TRIM9: variants seen among roughly 807,000 people sequenced by gnomAD.
TRIM9 encodes the protein tripartite motif containing 9, also known as E3 ubiquitin-protein ligase TRIM9.
In TRIM9, 26 loss-of-function variants were observed where a neutral mutation model predicts 78.3. That is an observed-to-expected ratio of 0.33 (90% CI 0.24 to 0.46). TRIM9 has a LOEUF of 0.46. TRIM9 is among the 20% of genes least tolerant of loss of function. TRIM9 has a pLI of 1.00. For synonymous variants in TRIM9, 398 were observed against 416.5 expected, an observed-to-expected ratio of 0.96 and a Z score of 0.54; for missense variants, 787 against 1,036.4, an observed-to-expected ratio of 0.76 and a Z score of 3.30.
chr14:51,084,038 A>C (rs1469851761), intron 1 of TRIM9, among the ~76,000 whole-genome samples: 1 of 152,138 alleles, frequency 6.6e-6, no homozygotes, highest in Non-Finnish European at 1.5e-5. Flanking sequence ...AGAAGCCTTC[A>C]TTTTCTTTTT....
intron 5 of TRIM9, among the ~76,000 whole-genome samples, chr14:51,003,841 C>A (rs756834283): frequency 2.6e-5 from 4 of 152,160 alleles, no homozygotes; most frequent in Admixed American, 1.3e-4. Flanking sequence ...TCCTTATTTA[C>A]CCCCAGTGAT....
intron 7 of TRIM9, chr14:50,997,245 T>C (rs1165226800): frequency 2.0e-6 from 2 of 985,292 alleles, no homozygotes; most frequent in Non-Finnish European, 1.2e-6. Flanking sequence ...AGAGGTTATA[T>C]CTGGCCATCA....
chr14:51,020,587 G>T (rs970854636), intron 3 of TRIM9, among the ~76,000 whole-genome samples: 1 of 152,198 alleles, frequency 6.6e-6, no homozygotes, highest in African/African-American at 2.4e-5. Context: ...AGTACAGATG[G>T]ACCATCAGAG....
chr14:51,030,637 G>A (rs2058645110), intron 1 of TRIM9, among the ~76,000 whole-genome samples: 1 of 152,068 alleles, frequency 6.6e-6, no homozygotes, highest in Non-Finnish European at 1.5e-5. Flanking sequence ...GAAAGTCTAT[G>A]TGTATGTGGG....
intron 7 of TRIM9, among the ~76,000 whole-genome samples, chr14:50,987,603 T>C (rs1464398255): frequency 6.6e-6 from 1 of 152,226 alleles, no homozygotes; most frequent in Admixed American, 6.5e-5. Context: ...TCATGTATTA[T>C]CATTTCTTTC....
chr14:51,038,945 A>T (rs986460899), intron 1 of TRIM9, among the ~76,000 whole-genome samples: 1 of 152,244 alleles, frequency 6.6e-6, no homozygotes, highest in Non-Finnish European at 1.5e-5. Context: ...ATCATCAGCT[A>T]ATGTCTTCCC....
chr14:51,000,602 C>G, intron 6 of TRIM9, 81 bp downstream of exon 6: 1 of 1,567,440 alleles, frequency 6.4e-7, no homozygotes, highest in East Asian at 2.3e-5. Context: ...GATGGGGAAG[C>G]CAGCCCTGAG....
At chr14:50,986,264 G>T in intron 7 of TRIM9, 120 bp from the exon 8 acceptor site, 2 of 892,972 alleles carry the variant, frequency 2.2e-6, no homozygotes, top group Non-Finnish European at 3.0e-6. Context: ...CCCACAGGGT[G>T]CCACACTCAG....
At chr14:51,009,921 C>T (rs1387457299) in intron 4 of TRIM9, among the ~76,000 whole-genome samples, 1 of 152,152 alleles carries the variant, frequency 6.6e-6, no homozygotes, top group East Asian at 1.9e-4. Flanking sequence ...TGAGAAATCT[C>T]TGCATTTGAG....
At chr14:51,085,315 G>A (rs943043679) in intron 1 of TRIM9, among the ~76,000 whole-genome samples, 2 of 152,150 alleles carry the variant, frequency 1.3e-5, no homozygotes, top group African/African-American at 2.4e-5. Flanking sequence ...GGCTATTCCC[G>A]CACCAAAGAA....
chr14:51,006,021 C>T (rs942620216), intron 5 of TRIM9, among the ~76,000 whole-genome samples: 2 of 152,042 alleles, frequency 1.3e-5, no homozygotes, highest in African/African-American at 4.8e-5. Context: ...TCAACAACAA[C>T]AACAAAAACA....
intron 2 of TRIM9, among the ~76,000 whole-genome samples, chr14:51,024,005 G>C (rs1202731728): frequency 6.6e-6 from 1 of 152,166 alleles, no homozygotes; most frequent in Admixed American, 6.5e-5. Flanking sequence ...CAAGGTCTTC[G>C]TATAAGGAAT....
chr14:51,029,138 C>T (rs959766522), intron 1 of TRIM9, among the ~76,000 whole-genome samples: 5 of 152,162 alleles, frequency 3.3e-5, no homozygotes, highest in East Asian at 1.9e-4. Context: ...ACATTCTTCA[C>T]GTGGCCTTTT....
chr14:50,976,491 ATAATGTTC>A lies in TRIM9; in HGVS notation c.*792_*799del, dbSNP rs1342468704. 6.6e-6 allele frequency: 1 copy of A among 152,354 alleles called. No homozygotes were observed. Among genetic ancestry groups the A allele is most frequent in the Non-Finnish European group, 1.5e-5 (1 of 68,048 alleles). The allele number at this position is 152,354 out of a possible 1,614,324, so 9.4% of individuals were successfully genotyped here. Reference sequence around the variant, plus strand: ...ACTGTGTCCCCACAGTGTCTAGAACATAATGTTCTAGTGTCTTGAACAGTGCCTGGTCA... The same window carrying A: ...ACTGTGTCCCCACAGTGTCTAGAACATAGTGTCTTGAACAGTGCCTGGTCA... On this transcript the variant is annotated 3_prime_UTR_variant, in exon 13 of 13. Coordinates refer to ENST00000684578, the MANE Select transcript of TRIM9 (RefSeq NM_001387360.1).
chr14:51,010,330 G>A (rs776755620), intron 4 of TRIM9, 54 bp downstream of exon 4: 54 of 1,442,476 alleles, frequency 3.7e-5, no homozygotes, highest in Non-Finnish European at 4.9e-5. Context: ...AAGCATCCTA[G>A]ACTATGTCCT....
intron 1 of TRIM9, among the ~76,000 whole-genome samples, chr14:51,047,637 A>G (rs964924779): frequency 1.3e-5 from 2 of 151,080 alleles, no homozygotes; most frequent in African/African-American, 4.8e-5. Flanking sequence ...AAGTAGGATA[A>G]GGCAACATAC....
chr14:51,066,307 A>G (rs943631398), intron 1 of TRIM9, among the ~76,000 whole-genome samples: 11 of 151,908 alleles, frequency 7.2e-5, no homozygotes, highest in Non-Finnish European at 2.9e-5. Context: ...TCACTGAACC[A>G]CTCTTGGAAA....
chr14:51,021,141 G>A (rs148907856), intron 3 of TRIM9, among the ~76,000 whole-genome samples: 40 of 152,294 alleles, frequency 2.6e-4, no homozygotes, highest in Non-Finnish European at 4.4e-4. Context: ...GTTTCTGAAG[G>A]GTGCTCAGAT....
chr14:51,074,622 C>A (rs574144350), intron 1 of TRIM9, among the ~76,000 whole-genome samples: 2 of 152,220 alleles, frequency 1.3e-5, no homozygotes, highest in Non-Finnish European at 2.9e-5. Flanking sequence ...GATCCTTCCA[C>A]CCCACCCTGC....
Sources: gnomAD v4.1 joint callset for allele counts (sites outside exome capture counted in the v4.1 genomes callset) on GRCh38, gnomAD v4.1.1 for gene constraint, MANE v1.5 for transcripts, NCBI Gene and HGNC (gene_info 2026-07-23, HGNC 2026-07-21) for gene names.